The following COG2 variants were observed in gnomAD, a reference collection of about 807,000 sequenced individuals.
COG2 encodes conserved oligomeric Golgi complex subunit 2.
In COG2, 52 loss-of-function variants were observed where a neutral mutation model predicts 90.6. The observed-to-expected ratio is 0.57, with a 90% confidence interval of 0.46 to 0.72. The LOEUF (loss-of-function observed/expected upper bound fraction) is 0.72. COG2 is among the 30% of genes least tolerant of loss of function. The pLI, the probability that COG2 is intolerant of heterozygous loss-of-function variation, is 0.00. For synonymous variants in COG2, 337 were observed against 320.4 expected (o/e 1.05, Z -0.55); for missense variants, 829 against 891.2 (o/e 0.93, Z 0.89).
At chr1:230,652,777 T>G (rs1456369501) in intron 1 of COG2, among the ~76,000 whole-genome samples, 1 of 152,242 alleles carries the variant, frequency 6.6e-6, no homozygotes, top group African/African-American at 2.4e-5. Flanking sequence ...TAATAATAAC[T>G]CATGTTGAGC....
In COG2 at chr1:230,669,398, G is replaced by C; in HGVS notation, c.637G>C (p.Gly213Arg). The change falls in exon 7 of 18, where the codon GGT (glycine) becomes CGT (arginine). Residue 213 changes from glycine (G) to arginine (R), a missense_variant. Coordinates refer to ENST00000366669, the MANE Select transcript of COG2 (RefSeq NM_007357.3). ...ITAMLQQSLE[G>R]LLLEGLQTSD... The stretch of plus-strand genomic sequence containing the variant: ...AGCCATGTTACAGCAGTCACTGGAA[G>C]GTCTCCTATTAGAAGGCCTTCAGAC... 1 of 1,613,964 alleles carries C rather than the reference G, an allele frequency of 6.2e-7. No homozygotes were observed. Among genetic ancestry groups the C allele is most frequent in the East Asian group, 2.2e-5 (1 of 44,880 alleles).
intron 1 of COG2, among the ~76,000 whole-genome samples, chr1:230,655,309 G>T (rs575450666): frequency 5.9e-5 from 9 of 152,182 alleles, no homozygotes; most frequent in African/African-American, 1.7e-4. Context: ...TAGCATGAAG[G>T]GGTGTTGAAT....
At position 230,691,511 on chromosome 1, in the gene COG2, G is replaced by A. The variant is rs937978298; in HGVS notation, c.2062G>A (p.Asp688Asn). 1.1e-5 allele frequency: 17 copies of A among 1,614,032 alleles called. No individual in the cohort carries two copies. The highest frequency in any genetic ancestry group is 1.4e-5 in the Non-Finnish European group (17 of 1,180,038). Residue 688 changes from aspartate (D) to asparagine (N), a missense_variant, in exon 17 of 18, where the codon GAC becomes AAC. Coordinates refer to ENST00000366669, the MANE Select transcript of COG2 (RefSeq NM_007357.3). ...PVGPSGGMSDDDKIRLQLALD... is the reference protein window; with the variant it reads ...PVGPSGGMSDNDKIRLQLALD... ...CGGTCCCAGTGGTGGCATGAGCGAC[G>A]ACGACAAAATCAGGCTGCAGTTGGC...
chr1:230,662,045 CCTCTT>C (rs1477903260), intron 3 of COG2, among the ~76,000 whole-genome samples: 1 of 151,960 alleles, frequency 6.6e-6, no homozygotes, highest in African/African-American at 2.4e-5. Context: ...CCTCTCCTCT[CCTCTT>C]CTCTCCTCTC....
At chr1:230,647,069 CGGTGCTTGTATGTAACA>C (rs1249176827) in intron 1 of COG2, among the ~76,000 whole-genome samples, 8 of 152,088 alleles carry the variant, frequency 5.3e-5, no homozygotes, top group Non-Finnish European at 1.2e-4. Context: ...AAACGCATCT[CGGTGCTTGTATGTAACA>C]GGTGCTTGTA....
At chr1:230,646,021 C>T (rs1437297727) in intron 1 of COG2, among the ~76,000 whole-genome samples, 1 of 152,118 alleles carries the variant, frequency 6.6e-6, no homozygotes, top group Admixed American at 6.5e-5. Context: ...CTGAGGTCTG[C>T]CTCCCATGCC....
intron 5 of COG2, among the ~76,000 whole-genome samples, chr1:230,665,675 C>A (rs965683114): frequency 1.3e-5 from 2 of 152,150 alleles, no homozygotes; most frequent in African/African-American, 2.4e-5. Flanking sequence ...AGTGGTCAAT[C>A]GCTGCCATCT....
chr1:230,645,934 G>C (rs1348929442), intron 1 of COG2, among the ~76,000 whole-genome samples: 1 of 152,128 alleles, frequency 6.6e-6, no homozygotes, highest in Non-Finnish European at 1.5e-5. Context: ...TGTGAATACA[G>C]GCTGCGCTCC....
chr1:230,666,694 T>A (rs1360974633), intron 5 of COG2, among the ~76,000 whole-genome samples: 2 of 152,230 alleles, frequency 1.3e-5, no homozygotes, highest in Non-Finnish European at 1.5e-5. Flanking sequence ...TATGGCCATT[T>A]GTTGTACTAA....
intron 16 of COG2, 34 bp from the exon 17 acceptor site, chr1:230,691,350 C>T: frequency 6.5e-7 from 1 of 1,550,376 alleles, no homozygotes; most frequent in Non-Finnish European, 8.7e-7. Context: ...ACACAAATGC[C>T]TCTTTTCACC....
At chr1:230,670,332 C>A (rs138152818) in intron 7 of COG2, 25 of 152,250 alleles carry the variant, frequency 1.6e-4, no homozygotes, top group African/African-American at 6.0e-4. Flanking sequence ...GGGGACTTTC[C>A]TCCAGTGTCC....
At position 230,688,070 on chromosome 1, in the gene COG2, G is replaced by T; in HGVS notation, c.1579-1G>T. 4 of 1,584,292 alleles carry T rather than the reference G, an allele frequency of 2.5e-6. No homozygotes were observed. Among genetic ancestry groups the T allele is most frequent in the Non-Finnish European group, 3.4e-6 (4 of 1,167,876 alleles). On this transcript the variant is annotated splice_acceptor_variant, in intron 13 of 17. Coordinates refer to ENST00000366669, the MANE Select transcript of COG2 (RefSeq NM_007357.3). LOFTEE classifies it high-confidence loss of function. The stretch of plus-strand genomic sequence containing the variant: ...ATATATAAAGTGCATATTTATTTCA[G>T]CTTCCAGAACTCTTGGAAATAATCA...
intron 8 of COG2, among the ~76,000 whole-genome samples, chr1:230,671,964 A>G (rs1662459269): frequency 6.6e-6 from 1 of 152,236 alleles, no homozygotes; most frequent in South Asian, 2.1e-4. Context: ...AATATGTCAT[A>G]ATCTGTCTAT....
At chr1:230,648,835 C>G (rs1661847926) in intron 1 of COG2, among the ~76,000 whole-genome samples, 2 of 152,150 alleles carry the variant, frequency 1.3e-5, no homozygotes, top group Admixed American at 6.5e-5. Flanking sequence ...GTCCCTAATA[C>G]ACCCACAGCA....
At chr1:230,660,677 C>A in intron 2 of COG2, 81 bp from the exon 3 acceptor site, 3 of 849,540 alleles carry the variant, frequency 3.5e-6, no homozygotes, top group South Asian at 2.0e-5. Context: ...CTAAGTCTAG[C>A]ACTACATTGA....
chr1:230,643,144 C>T (rs1256673550), intron 1 of COG2: 3 of 154,848 alleles, frequency 1.9e-5, no homozygotes, highest in Admixed American at 1.3e-4. Context: ...CTAAAGCTTC[C>T]AGAATGGGAT....
At chr1:230,648,609 C>G (rs1387010792) in intron 1 of COG2, among the ~76,000 whole-genome samples, 1 of 152,184 alleles carries the variant, frequency 6.6e-6, no homozygotes. Flanking sequence ...TTTTCCAAGT[C>G]ACTTCTTGCA....
At chr1:230,649,026 G>A (rs1399311036) in intron 1 of COG2, among the ~76,000 whole-genome samples, 1 of 152,166 alleles carries the variant, frequency 6.6e-6, no homozygotes, top group African/African-American at 2.4e-5. Context: ...CAGGTTATAG[G>A]TTTTCTTTGC....
chr1:230,684,329 G>A (rs996498730), intron 11 of COG2: 1 of 152,388 alleles, frequency 6.6e-6, no homozygotes, highest in Non-Finnish European at 1.5e-5. Context: ...GCATGGTAGA[G>A]GGTCAGGTGC....
Sources: allele counts gnomAD v4.1 joint callset (sites outside exome capture counted in the v4.1 genomes callset), GRCh38; gene constraint gnomAD v4.1.1; transcripts MANE v1.5; gene names NCBI Gene and HGNC (gene_info 2026-07-23, HGNC 2026-07-21).